The following TGFB2 variants were observed in gnomAD, a reference collection of about 807,000 sequenced individuals.
The protein encoded by TGFB2 is transforming growth factor beta-2 proprotein.
A neutral mutation model predicts 42.7 loss-of-function variants in TGFB2; 13 were observed. The ratio of observed to expected loss-of-function variants is 0.30; its 90% confidence interval spans 0.20 to 0.48. The LOEUF is 0.48. Among genes scored for constraint, TGFB2 ranks in the 20% least tolerant of loss-of-function variants. The pLI is 0.99. For missense variants in TGFB2, 390 were observed against 517.5 expected, an observed-to-expected ratio of 0.75 and a Z score of 2.39; for synonymous variants, 193 against 193.6, an observed-to-expected ratio of 1.00 and a Z score of 0.03.
chr1:218,350,221 T>C (rs1656826752), intron 1 of TGFB2, among the ~76,000 whole-genome samples: 1 of 152,242 alleles, frequency 6.6e-6, no homozygotes, highest in Non-Finnish European at 1.5e-5. Context: ...CGTTTCATTT[T>C]CTTTCTTTTC....
At chr1:218,427,305 T>A (rs983839024) in intron 2 of TGFB2, among the ~76,000 whole-genome samples, 3 of 152,028 alleles carry the variant, frequency 2.0e-5, no homozygotes, top group African/African-American at 7.3e-5. Flanking sequence ...ACCTCTAACC[T>A]CTATTCTGCT....
At chr1:218,390,537 G>C (rs1658286798) in intron 1 of TGFB2, among the ~76,000 whole-genome samples, 1 of 152,078 alleles carries the variant, frequency 6.6e-6, no homozygotes, top group Non-Finnish European at 1.5e-5. Flanking sequence ...CAAAAATAAT[G>C]AGATTGAAGC....
At chr1:218,426,807 A>G (rs1012543436) in intron 2 of TGFB2, among the ~76,000 whole-genome samples, 8 of 152,206 alleles carry the variant, frequency 5.3e-5, no homozygotes, top group Admixed American at 3.9e-4. Flanking sequence ...ACAAATATAT[A>G]TGTATGTACA....
At chr1:218,370,947 C>T (rs569769147) in intron 1 of TGFB2, among the ~76,000 whole-genome samples, 1 of 152,178 alleles carries the variant, frequency 6.6e-6, no homozygotes, top group African/African-American at 2.4e-5. Flanking sequence ...ACAAATGATA[C>T]AGTCTACCAC....
chr1:218,380,786 G>A (rs991436274), intron 1 of TGFB2, among the ~76,000 whole-genome samples: 6 of 152,154 alleles, frequency 3.9e-5, no homozygotes, highest in South Asian at 2.1e-4. Context: ...AGGTAGCTGG[G>A]AAGGGAACAG....
intron 1 of TGFB2, among the ~76,000 whole-genome samples, chr1:218,367,401 C>G (rs1046467751): frequency 6.6e-6 from 1 of 152,190 alleles, no homozygotes; most frequent in African/African-American, 2.4e-5. Flanking sequence ...GGCATTAGAG[C>G]AGGCAAGAAT....
chr1:218,351,175 GCTGGT>G (rs1656856557), intron 1 of TGFB2, among the ~76,000 whole-genome samples: 1 of 152,206 alleles, frequency 6.6e-6, no homozygotes, highest in African/African-American at 2.4e-5. Context: ...TATACAAGTT[GCTGGT>G]CTGTTGGCCA....
intron 2 of TGFB2, among the ~76,000 whole-genome samples, chr1:218,408,839 C>T (rs1659001080): frequency 6.6e-6 from 1 of 152,142 alleles, no homozygotes; most frequent in Non-Finnish European, 1.5e-5. Context: ...AATTTTTCCA[C>T]AGAGCATTAC....
At chr1:218,408,724 A>G (rs1043715667) in intron 2 of TGFB2, among the ~76,000 whole-genome samples, 1 of 152,154 alleles carries the variant, frequency 6.6e-6, no homozygotes, top group African/African-American at 2.4e-5. Context: ...GAAGCACTGA[A>G]TTAAAAGAGG....
At chr1:218,403,816 A>G (rs188779756) in intron 1 of TGFB2, among the ~76,000 whole-genome samples, 74 of 152,314 alleles carry the variant, frequency 4.9e-4, no homozygotes, top group Admixed American at 2.1e-3. Context: ...CAGATAATTG[A>G]AGAGTGGGTA....
intron 1 of TGFB2, among the ~76,000 whole-genome samples, chr1:218,370,326 C>CCCCTTCATGTATCT (rs1298671528): frequency 6.6e-6 from 1 of 152,108 alleles, no homozygotes; most frequent in Non-Finnish European, 1.5e-5. Flanking sequence ...AGGAGATTTG[C>CCCCTTCATGTATCT]CCCTTCATGT....
chr1:218,389,669 G>A (rs889029946), intron 1 of TGFB2, among the ~76,000 whole-genome samples: 2 of 152,208 alleles, frequency 1.3e-5, no homozygotes, highest in African/African-American at 4.8e-5. Flanking sequence ...GTATATGGGT[G>A]CTTATCAACT....
At chr1:218,379,461 A>G (rs1193629279) in intron 1 of TGFB2, among the ~76,000 whole-genome samples, 1 of 128,122 alleles carries the variant, frequency 7.8e-6, no homozygotes, top group East Asian at 2.4e-4. Flanking sequence ...TTTTAATTTT[A>G]TTTCTTTTTC....
At chr1:218,354,037 T>G (rs1656953695) in intron 1 of TGFB2, among the ~76,000 whole-genome samples, 1 of 152,242 alleles carries the variant, frequency 6.6e-6, no homozygotes, top group African/African-American at 2.4e-5. Context: ...TCTCCCTCTT[T>G]TCTTTTGATC....
At chr1:218,436,587 G>A (rs182233240) in intron 5 of TGFB2, among the ~76,000 whole-genome samples, 131 of 152,308 alleles carry the variant, frequency 8.6e-4, no homozygotes, top group African/African-American at 2.7e-3. Flanking sequence ...GAAGAATGCC[G>A]TGTGTCACAC....
chr1:218,374,945 T>C (rs1210221663), intron 1 of TGFB2, among the ~76,000 whole-genome samples: 1 of 152,166 alleles, frequency 6.6e-6, no homozygotes, highest in African/African-American at 2.4e-5. Flanking sequence ...CTTTAACACA[T>C]GCAGGCTTCA....
chr1:218,410,602 G>T (rs896318782), intron 2 of TGFB2, among the ~76,000 whole-genome samples: 1 of 152,320 alleles, frequency 6.6e-6, no homozygotes, highest in African/African-American at 2.4e-5. Flanking sequence ...TAAAGTGTCT[G>T]AAAGATGAAG....
At chr1:218,350,596 C>T (rs1010601413) in intron 1 of TGFB2, among the ~76,000 whole-genome samples, 7 of 152,166 alleles carry the variant, frequency 4.6e-5, no homozygotes, top group Admixed American at 1.3e-4. Context: ...ATGATCAAAG[C>T]ATATTCAAAT....
chr1:218,365,690 TTAGAAA>T (rs1441929686), intron 1 of TGFB2, among the ~76,000 whole-genome samples: 1 of 151,780 alleles, frequency 6.6e-6, no homozygotes, highest in Non-Finnish European at 1.5e-5. Flanking sequence ...GTCTCTGTTC[TTAGAAA>T]TAGTAATTGA....
Sources: gnomAD v4.1 joint callset for allele counts (sites outside exome capture counted in the v4.1 genomes callset) on GRCh38, gnomAD v4.1.1 for gene constraint, MANE v1.5 for transcripts, NCBI Gene and HGNC (gene_info 2026-07-23, HGNC 2026-07-21) for gene names.